ATG7: variants seen among roughly 807,000 people sequenced by gnomAD.
ATG7 encodes autophagy related 7.
In ATG7, 70 loss-of-function variants were observed where a neutral mutation model predicts 82.4. The observed-to-expected ratio is 0.85, with a 90% CI of 0.70 to 1.04. ATG7 has a LOEUF of 1.04. Ranked by LOEUF, ATG7 falls within the 50% of genes least tolerant of loss-of-function variation. The pLI is 0.00. For synonymous variants in ATG7, 287 were observed against 313.0 expected, an observed-to-expected ratio of 0.92 and a Z score of 0.88; for missense variants, 792 against 864.3, an observed-to-expected ratio of 0.92 and a Z score of 1.05.
intron 20 of ATG7, among the ~76,000 whole-genome samples, chr3:11,505,037 C>T (rs2091611069): frequency 2.6e-5 from 4 of 152,068 alleles, no homozygotes; most frequent in Admixed American, 6.5e-5. Flanking sequence ...AATATGAGCA[C>T]GTTATTTTAA....
chr3:11,354,641 C>G (rs983455731), intron 14 of ATG7, among the ~76,000 whole-genome samples: 1 of 116,412 alleles, frequency 8.6e-6, no homozygotes, highest in African/African-American at 3.5e-5. Flanking sequence ...GAGTGAGACT[C>G]CATCTCACCA....
chr3:11,323,127 A>C (rs765246987), intron 9 of ATG7, among the ~76,000 whole-genome samples: 1 of 152,208 alleles, frequency 6.6e-6, no homozygotes, highest in Non-Finnish European at 1.5e-5. Flanking sequence ...TAAGGTTCAT[A>C]ATCAGTGGTG....
chr3:11,408,596 T>TAAC (rs2080581787), intron 19 of ATG7, among the ~76,000 whole-genome samples: 1 of 152,138 alleles, frequency 6.6e-6, no homozygotes, highest in African/African-American at 2.4e-5. Flanking sequence ...CAGTTCCACA[T>TAAC]GGTTGGGGAG....
intron 9 of ATG7, among the ~76,000 whole-genome samples, chr3:11,325,487 C>T (rs539578005): frequency 5.9e-5 from 9 of 152,220 alleles, no homozygotes; most frequent in African/African-American, 1.9e-4. Context: ...GCCTGACCAA[C>T]ATGGTGAAAT....
chr3:11,313,339 C>G lies in ATG7; in HGVS notation c.447C>G (p.Cys149Trp). ...AGTACCACTTCTACTATTGGTTTTG[C>G]TATCCTGCCCTCTGTCTTCCAGAGA... ...LKKYHFYYWF[C>W]YPALCLPESL... The change falls in exon 8 of 21, where the codon TGC becomes TGG. Residue 149 changes from cysteine to tryptophan, a missense_variant. By Grantham distance (215) the Cys-to-Trp change is radical. Transcript: ENST00000693202. 6.2e-7 allele frequency: 1 copy of G among 1,611,824 alleles called. No homozygotes were observed. Among genetic ancestry groups the G allele is most frequent in the Non-Finnish European group, 8.5e-7 (1 of 1,178,806 alleles).
At chr3:11,456,346 A>C (rs1200012296) in intron 20 of ATG7, among the ~76,000 whole-genome samples, 1 of 152,266 alleles carries the variant, frequency 6.6e-6, no homozygotes, top group African/African-American at 2.4e-5. Context: ...GTCATATTCC[A>C]TTGTAGGATC....
At chr3:11,287,537 G>C (rs1471248667) in intron 3 of ATG7, among the ~76,000 whole-genome samples, 2 of 152,178 alleles carry the variant, frequency 1.3e-5, no homozygotes, top group Non-Finnish European at 2.9e-5. Context: ...CGGCGGTCTG[G>C]GAGAAAGCAT....
chr3:11,296,539 C>T (rs1945949343), intron 3 of ATG7, among the ~76,000 whole-genome samples: 1 of 152,162 alleles, frequency 6.6e-6, no homozygotes, highest in Non-Finnish European at 1.5e-5. Flanking sequence ...CTTTCAAAGC[C>T]CTTTACCCAC....
At chr3:11,543,810 G>A (rs1575268096) in intron 20 of ATG7, among the ~76,000 whole-genome samples, 1 of 152,232 alleles carries the variant, frequency 6.6e-6, no homozygotes, top group South Asian at 2.1e-4. Flanking sequence ...GCTGAGGCAC[G>A]AGAATTGCTT....
the ATG7 span, among the ~76,000 whole-genome samples, chr3:11,566,215 TACACACACGCACACCACAC>T: frequency 6.6e-6 from 1 of 151,838 alleles, no homozygotes; most frequent in Non-Finnish European, 1.5e-5. Flanking sequence ...CACTGAATGT[TACACACACGCACACCACAC>T]ACACACACGC....
chr3:11,527,570 C>T (rs1041099882), intron 20 of ATG7, among the ~76,000 whole-genome samples: 1 of 152,174 alleles, frequency 6.6e-6, no homozygotes, highest in Non-Finnish European at 1.5e-5. Flanking sequence ...CCTCAATTAT[C>T]AGTATTATCA....
At chr3:11,406,989 C>T (rs536902760) in intron 19 of ATG7, among the ~76,000 whole-genome samples, 18 of 152,304 alleles carry the variant, frequency 1.2e-4, no homozygotes, top group African/African-American at 3.4e-4. Context: ...TCATGTCTTC[C>T]CAACAGTCCC....
chr3:11,454,528 TGA>T (rs1036382132), intron 20 of ATG7, among the ~76,000 whole-genome samples: 5 of 152,196 alleles, frequency 3.3e-5, no homozygotes, highest in African/African-American at 1.2e-4. Context: ...CTGGCTGGGC[TGA>T]GAGAGCAAGA....
intron 19 of ATG7, among the ~76,000 whole-genome samples, chr3:11,399,145 C>T (rs2079573339): frequency 6.6e-6 from 1 of 152,282 alleles, no homozygotes; most frequent in South Asian, 2.1e-4. Flanking sequence ...GCCAGGCATT[C>T]AAGACCAGCC....
chr3:11,495,276 T>C (rs1330415224), intron 20 of ATG7, among the ~76,000 whole-genome samples: 1 of 152,098 alleles, frequency 6.6e-6, no homozygotes, highest in East Asian at 1.9e-4. Flanking sequence ...GGATGAATGA[T>C]GAATAAAAGC....
intron 20 of ATG7, among the ~76,000 whole-genome samples, chr3:11,531,867 GAAAAAA>G (rs10706428): frequency 1.1e-5 from 1 of 95,148 alleles, no homozygotes; most frequent in Non-Finnish European, 2.1e-5. Context: ...CCTGTCTCAG[GAAAAAA>G]AAAAAAAAAA....
At chr3:11,450,895 A>C (rs965779002) in intron 20 of ATG7, among the ~76,000 whole-genome samples, 2 of 152,184 alleles carry the variant, frequency 1.3e-5, no homozygotes, top group Non-Finnish European at 2.9e-5. Flanking sequence ...ATGCCTTCCA[A>C]AGGGCTGGTG....
intron 19 of ATG7, among the ~76,000 whole-genome samples, chr3:11,413,900 C>G (rs1222141616): frequency 6.6e-6 from 1 of 152,142 alleles, no homozygotes; most frequent in South Asian, 2.1e-4. Context: ...ATTCAATCTC[C>G]TTATTGGTTA....
At chr3:11,351,487 C>T (rs1314860479) in intron 14 of ATG7, among the ~76,000 whole-genome samples, 2 of 152,114 alleles carry the variant, frequency 1.3e-5, no homozygotes, top group African/African-American at 4.8e-5. Flanking sequence ...GTGGCTGCAA[C>T]ATAGAGGTCA....
Sources: gnomAD v4.1 joint callset for allele counts (sites outside exome capture counted in the v4.1 genomes callset) on GRCh38, gnomAD v4.1.1 for gene constraint, MANE v1.5 for transcripts, NCBI Gene and HGNC (gene_info 2026-07-23, HGNC 2026-07-21) for gene names.